CTBP1: variants seen among roughly 807,000 people sequenced by gnomAD.
The protein encoded by CTBP1 is C-terminal-binding protein 1.
Under a neutral mutation model 42.1 loss-of-function variants are expected in CTBP1, and 11 were observed. The observed-to-expected ratio is 0.26, with a 90% CI of 0.16 to 0.43. The LOEUF (loss-of-function observed/expected upper bound fraction) is 0.43. Among genes scored for constraint, CTBP1 ranks in the 20% least tolerant of loss-of-function variants. The pLI, the probability that CTBP1 is intolerant of heterozygous loss-of-function variation, is 1.00. For missense variants in CTBP1, 399 were observed against 624.3 expected (o/e 0.64, Z 3.85); for synonymous variants, 324 against 277.1 (o/e 1.17, Z -1.68).
At chr4:1,234,390 G>A (rs1731272419) in intron 3 of CTBP1, among the ~76,000 whole-genome samples, 1 of 152,180 alleles carries the variant, frequency 6.6e-6, no homozygotes, top group African/African-American at 2.4e-5. Context: ...CCTCCAGGAT[G>A]CCAGGACGGT....
At chr4:1,243,173 C>T (rs1300206875) in intron 1 of CTBP1, 7 of 985,458 alleles carry the variant, frequency 7.1e-6, no homozygotes, top group Middle Eastern at 5.2e-4. Flanking sequence ...TGGCACCAGC[C>T]GCTGCTCCTG....
intron 2 of CTBP1, among the ~76,000 whole-genome samples, chr4:1,239,777 A>T (rs1302199332): frequency 6.6e-6 from 1 of 152,180 alleles, no homozygotes; most frequent in Non-Finnish European, 1.5e-5. Flanking sequence ...GCCACTGGCC[A>T]TTCCACCCAC....
intron 1 of CTBP1, chr4:1,241,899 A>G (rs1732218999): frequency 9.4e-7 from 1 of 1,068,596 alleles, no homozygotes; most frequent in Non-Finnish European, 1.1e-6. Context: ...AACTGCGGAA[A>G]GGCTCTGCCT....
intron 1 of CTBP1, among the ~76,000 whole-genome samples, chr4:1,247,768 G>GT (rs1279596809): frequency 3.5e-5 from 2 of 56,342 alleles, no homozygotes; most frequent in African/African-American, 4.0e-5. Flanking sequence ...AGGCCGGGGA[G>GT]GGGGGGGGGG....
At chr4:1,232,146 C>G (rs980340828) in intron 3 of CTBP1, among the ~76,000 whole-genome samples, 1 of 152,230 alleles carries the variant, frequency 6.6e-6, no homozygotes, top group Non-Finnish European at 1.5e-5. Flanking sequence ...TAGGCTGAAG[C>G]GATCCTCTGG....
Position 1,245,627 on chromosome 4 carries a change from T to C in CTBP1, c.-189+3289A>G, listed in dbSNP as rs757578118. 1,315 of 962,306 alleles carry C rather than the reference T, an allele frequency of 1.4e-3. 2 individuals carry two copies. The highest frequency in any genetic ancestry group is 1.5e-3 in the Non-Finnish European group (1,246 of 822,650). 59.6% of individuals were successfully genotyped at this position (962,306 alleles called of 1,614,324 possible). On this transcript the variant is annotated intron_variant, in intron 1 of 9. Transcript: ENST00000382952. ...GGAGGGCAGGGTGACACGGGCGGCATAGCAGAGTGGCATGGACGGGCAGGG... is the reference window on the plus strand; with the variant it reads ...GGAGGGCAGGGTGACACGGGCGGCACAGCAGAGTGGCATGGACGGGCAGGG...
chr4:1,247,123 G>A (rs1250093), intron 1 of CTBP1, among the ~76,000 whole-genome samples: 122,379 of 152,208 alleles, frequency 0.8, 50,815 homozygotes, highest in East Asian at 0.97. Context: ...TGACAAGCGA[G>A]TAAAAGGGAA....
At chr4:1,237,026 G>A in intron 3 of CTBP1, 2 of 666,522 alleles carry the variant, frequency 3.0e-6, no homozygotes, top group Non-Finnish European at 5.5e-6. Context: ...CAAACCCAGT[G>A]TCCACCTCCT....
chr4:1,214,708 A>G (rs902734636), intron 6 of CTBP1, among the ~76,000 whole-genome samples: 2 of 152,174 alleles, frequency 1.3e-5, no homozygotes, highest in Non-Finnish European at 2.9e-5. Flanking sequence ...CACAGCTCCT[A>G]GAGAGCTCCA....
At chr4:1,222,418 G>A (rs926037340) in intron 5 of CTBP1, among the ~76,000 whole-genome samples, 2 of 152,128 alleles carry the variant, frequency 1.3e-5, no homozygotes, top group African/African-American at 2.4e-5. Flanking sequence ...AGGGGCCCGC[G>A]CCGAGAGCGA....
chr4:1,224,673 G>A (rs373571090), intron 5 of CTBP1, among the ~76,000 whole-genome samples: 196 of 151,688 alleles, frequency 1.3e-3, no homozygotes, highest in African/African-American at 4.4e-3. Context: ...GTGCTGTGAC[G>A]TCCGTGCAGG....
intron 5 of CTBP1, 29 bp from the exon 6 acceptor site, chr4:1,216,234 C>A (rs895855705): frequency 2.5e-6 from 4 of 1,589,762 alleles, no homozygotes; most frequent in Admixed American, 1.7e-5. Flanking sequence ...AGTGTGAGAC[C>A]CTTGCTCACC....
intron 1 of CTBP1, chr4:1,242,646 AT>A (rs1343676722): frequency 3.0e-6 from 3 of 985,226 alleles, no homozygotes; most frequent in Non-Finnish European, 3.6e-6. Context: ...ACCACTCCTC[AT>A]GGCAGGTGCT....
At position 1,214,513 on chromosome 4, in the gene CTBP1, C is replaced by T. The variant is rs373522031; in HGVS notation, c.730-40G>A. ...GACAGGCCAGGCCCAGTCAGGGATC[C>T]GCACAGGGCGGGCAGCCAGGGAAGC... is the stretch of plus-strand genomic sequence containing the variant. On this transcript the variant is annotated intron_variant, in intron 6 of 9. Transcript: ENST00000382952. The T allele has an allele frequency of 1.2e-4, 189 of 1,530,712 alleles. 1 individual carries two copies. In the East Asian group the frequency reaches 2.0e-3, roughly 16 times the overall value. The allele number at this position is 1,530,712 out of a possible 1,614,324, so 94.8% of individuals were successfully genotyped here. A position where few individuals can be genotyped will look rare whatever the true frequency, so the allele number is the denominator to read the frequency against.
Position 1,228,200 on chromosome 4 carries a change from T to A in CTBP1, c.306A>T (p.Leu102Phe). 6.2e-7 allele frequency: 1 copy of A among 1,614,114 alleles called. No individual in the cohort carries two copies. The highest frequency in any genetic ancestry group is 8.5e-7 in the Non-Finnish European group (1 of 1,179,988). ...DNIDIKSAGDLGIAVCNVPAA... is the reference protein window; with the variant it reads ...DNIDIKSAGDFGIAVCNVPAA... ...GGAGAGAACTCGGAGCCGGCCTACCTAAATCCCCGGCCGACTTGATGTCGA... is the reference window on the plus strand; with the variant it reads ...GGAGAGAACTCGGAGCCGGCCTACCAAAATCCCCGGCCGACTTGATGTCGA... The change falls in exon 4 of 10, where the codon TTA becomes TTT. Residue 102 changes from leucine to phenylalanine, a missense_variant and splice_region_variant. Leu to Phe is a conservative substitution (Grantham distance 22, BLOSUM62 0). Around this residue, in one of 4 missense-constraint regions of CTBP1, gnomAD observed 309 missense variants for 497.5 expected, o/e 0.62. Coordinates refer to ENST00000382952, the MANE Select transcript of CTBP1 (RefSeq NM_001012614.2).
At position 1,212,413 on chromosome 4, in the gene CTBP1, C is replaced by A; in HGVS notation, c.1117G>T (p.Gly373Cys). ...CCAGTGGGGGCCACGCCCACCACGC[C>A]CGGAGGGTACCTGCTGGGAGAGGGT... Reference protein sequence around the residue: ...LNGAAYRYPPGVVGVAPTGIP... With the variant: ...LNGAAYRYPPCVVGVAPTGIP... Residue 373 changes from glycine to cysteine, a missense_variant, in exon 10 of 10, where the codon GGC becomes TGC. By Grantham distance (159) the Gly-to-Cys change is radical. Transcript: ENST00000382952. 6.8e-7 allele frequency: 1 copy of A among 1,460,104 alleles called. No homozygotes were observed. The highest frequency in any genetic ancestry group is 9.0e-7 in the Non-Finnish European group (1 of 1,108,728). The allele number at this position is 1,460,104 out of a possible 1,614,324, so 90.4% of individuals were successfully genotyped here. A position where few individuals can be genotyped will look rare whatever the true frequency, so the allele number is the denominator to read the frequency against.
Position 1,212,189 on chromosome 4 carries a change from G to A in CTBP1, c.*51C>T, listed in dbSNP as rs551713236. The A allele has an allele frequency of 6.5e-6, 9 of 1,375,330 alleles. No homozygotes were observed. Among genetic ancestry groups the A allele is most frequent in the Middle Eastern group, 2.4e-4 (1 of 4,138 alleles). 85.2% of individuals were successfully genotyped at this position (1,375,330 alleles called of 1,614,324 possible). ...GCCTCCTCCACACACTCTGGTCCGA[G>A]GGTTTCCGGGCCCTCTGCCCAGGCG... is the stretch of plus-strand genomic sequence containing the variant. On this transcript the variant is annotated 3_prime_UTR_variant, in exon 10 of 10. Transcript: ENST00000382952.
chr4:1,227,701 G>A (rs1730523381), intron 4 of CTBP1, among the ~76,000 whole-genome samples: 2 of 151,760 alleles, frequency 1.3e-5, no homozygotes, highest in Non-Finnish European at 2.9e-5. Context: ...CACATGCACG[G>A]ATGCAGATGT....
intron 3 of CTBP1, among the ~76,000 whole-genome samples, chr4:1,232,032 G>A (rs192629055): frequency 6.6e-6 from 1 of 152,224 alleles, no homozygotes; most frequent in East Asian, 1.9e-4. Context: ...CTACTGATTG[G>A]GAGGAGTCTT....
Sources: allele counts gnomAD v4.1 joint callset (sites outside exome capture counted in the v4.1 genomes callset), GRCh38; gene constraint gnomAD v4.1.1; regional missense constraint gnomAD v4.1.1; transcripts MANE v1.5; gene names NCBI Gene and HGNC (gene_info 2026-07-23, HGNC 2026-07-21).